PXYLP1: variants seen among roughly 807,000 people sequenced by gnomAD.
PXYLP1 encodes acid phosphatase-like 2.
PXYLP1 carries 17 observed loss-of-function variants against 37.9 expected under a neutral mutation model. That is an observed-to-expected ratio of 0.45 (90% CI 0.31 to 0.67). The LOEUF (loss-of-function observed/expected upper bound fraction) is 0.67, where lower values mean the gene tolerates loss of function less well. PXYLP1 is among the 30% of genes least tolerant of loss of function. The pLI is 0.07. For missense variants in PXYLP1, 511 were observed against 612.0 expected, an observed-to-expected ratio of 0.84 and a Z score of 1.74; for synonymous variants, 221 against 232.2, an observed-to-expected ratio of 0.95 and a Z score of 0.44.
intron 4 of PXYLP1, among the ~76,000 whole-genome samples, chr3:141,284,407 G>A (rs16851304): frequency 0.13 from 19,763 of 152,228 alleles, 1,641 homozygotes; most frequent in African/African-American, 0.24. Context: ...TTCTGTTGGC[G>A]AATGCGGCTT....
At chr3:141,280,867 T>G (rs1941936950) in intron 4 of PXYLP1, among the ~76,000 whole-genome samples, 1 of 152,232 alleles carries the variant, frequency 6.6e-6, no homozygotes, top group South Asian at 2.1e-4. Flanking sequence ...TGCAGTGAGC[T>G]GAACCAAGCA....
At chr3:141,248,949 CAG>C (rs1429855566) in intron 1 of PXYLP1, among the ~76,000 whole-genome samples, 4 of 150,626 alleles carry the variant, frequency 2.7e-5, no homozygotes, top group Non-Finnish European at 5.9e-5. Context: ...GGATCTGAGT[CAG>C]AGAATCCTTG....
chr3:141,279,239 C>T, intron 3 of PXYLP1, 139 bp from the exon 4 acceptor site: 2 of 1,007,322 alleles, frequency 2.0e-6, no homozygotes, highest in Non-Finnish European at 2.9e-6. Flanking sequence ...ACTGTGGTGG[C>T]TCTGCAAACC....
Position 141,244,844 on chromosome 3 carries a change from T to A in PXYLP1, c.-54+12933T>A, listed in dbSNP as rs551067947. Among the ~76,000 whole-genome samples, 6 of 152,046 alleles carry A rather than the reference T, an allele frequency of 3.9e-5. No homozygotes were observed. In the East Asian group the frequency reaches 7.8e-4, roughly 20 times the overall value. On this transcript the variant is annotated intron_variant, in intron 1 of 5. Transcript: ENST00000286353. Reference sequence around the variant, plus strand: ...ACTTTTGTAGGATAGAAACCTGAAATACAAATTCTTGGGGCAAAAGATGTG... The same window carrying A: ...ACTTTTGTAGGATAGAAACCTGAAAAACAAATTCTTGGGGCAAAAGATGTG...
chr3:141,278,521 A>C, intron 3 of PXYLP1, 21 bp downstream of exon 3: 1 of 1,613,676 alleles, frequency 6.2e-7, no homozygotes, highest in South Asian at 1.1e-5. Flanking sequence ...CTGTGCCACC[A>C]GGACAGATAC....
chr3:141,282,772 G>A (rs1366489293), intron 4 of PXYLP1, among the ~76,000 whole-genome samples: 1 of 152,216 alleles, frequency 6.6e-6, no homozygotes, highest in African/African-American at 2.4e-5. Flanking sequence ...GGACTTGGTG[G>A]CAGGTTGGAC....
intron 1 of PXYLP1, among the ~76,000 whole-genome samples, chr3:141,248,664 TACAC>T (rs745656230): frequency 1.8e-5 from 1 of 55,628 alleles, no homozygotes; most frequent in Non-Finnish European, 2.9e-5. Flanking sequence ...CACGTATATA[TACAC>T]ACACGTGTAT....
chr3:141,273,399 C>T (rs1305348228), intron 2 of PXYLP1: 19 of 985,320 alleles, frequency 1.9e-5, no homozygotes, highest in Non-Finnish European at 1.9e-5. Flanking sequence ...AGATCCAAAG[C>T]TGGGAAAAGC....
Position 141,293,802 on chromosome 3 carries a change from A to T in PXYLP1, c.*597A>T, listed in dbSNP as rs1402285115. 1 of 152,510 alleles carries T rather than the reference A, an allele frequency of 6.6e-6. No individual in the cohort carries two copies. Among genetic ancestry groups the T allele is most frequent in the African/African-American group, 2.4e-5 (1 of 41,458 alleles). 9.4% of individuals were successfully genotyped at this position (152,510 alleles called of 1,614,324 possible). A position where few individuals can be genotyped will look rare whatever the true frequency, so the allele number is the denominator to read the frequency against. ...ATGTGTAGCTGGGTTCCCAGGCCGGACAAAACAGATGGTGACCAGATTTGG... is the reference window on the plus strand; with the variant it reads ...ATGTGTAGCTGGGTTCCCAGGCCGGTCAAAACAGATGGTGACCAGATTTGG... On this transcript the variant is annotated 3_prime_UTR_variant, in exon 6 of 6. Coordinates refer to ENST00000286353, the MANE Select transcript of PXYLP1 (RefSeq NM_001037172.3).
At chr3:141,278,564 C>A (rs2148814079) in intron 3 of PXYLP1, 64 bp downstream of exon 3, 2 of 1,588,816 alleles carry the variant, frequency 1.3e-6, no homozygotes, top group Non-Finnish European at 1.7e-6. Context: ...AGCAGCATTG[C>A]ACAGCAGTAA....
At chr3:141,266,817 C>T (rs1941527962) in intron 2 of PXYLP1, among the ~76,000 whole-genome samples, 1 of 152,094 alleles carries the variant, frequency 6.6e-6, no homozygotes, top group Admixed American at 6.5e-5. Flanking sequence ...TCCCCTATAT[C>T]CCCTCCCTTT....
At position 141,287,388 on chromosome 3, in the gene PXYLP1, C is replaced by G. The variant is rs1942101701; in HGVS notation, c.440C>G (p.Pro147Arg). ...SKGSGASFES[P>R]LNSLPLYPNH... is the part of the protein sequence containing the mutation. The stretch of plus-strand genomic sequence containing the variant: ...GGATCCGGAGCCTCTTTCGAAAGCC[C>G]CTTGAACTCCTTGCCTCTTTACCCA... Residue 147 changes from proline to arginine, a missense_variant, in exon 5 of 6, where the codon CCC becomes CGC. Physicochemically the swap from Pro to Arg is moderately radical, Grantham distance 103. Coordinates refer to ENST00000286353, the MANE Select transcript of PXYLP1 (RefSeq NM_001037172.3). 1 of 1,613,996 alleles carries G rather than the reference C, an allele frequency of 6.2e-7. No homozygotes were observed. The highest frequency in any genetic ancestry group is 1.3e-5 in the African/African-American group (1 of 74,910).
At chr3:141,271,429 G>A (rs1338386157) in intron 2 of PXYLP1, among the ~76,000 whole-genome samples, 2 of 152,168 alleles carry the variant, frequency 1.3e-5, no homozygotes, top group African/African-American at 2.4e-5. Context: ...TCCCAAAAAG[G>A]GCAAGGCAGA....
At chr3:141,274,662 G>A (rs1291270867) in intron 2 of PXYLP1, 3 of 718,608 alleles carry the variant, frequency 4.2e-6, no homozygotes, top group Admixed American at 2.0e-5. Flanking sequence ...GTCAGCGGGG[G>A]ATATAAATGT....
rs59309377 is a variant in PXYLP1 at position 141,248,899 on chromosome 3, AGTGTGT to A, written c.-53-11207_-53-11202del. Among the ~76,000 whole-genome samples, 18 of 99,796 alleles carry A rather than the reference AGTGTGT, an allele frequency of 1.8e-4. 1 individual carries two copies. The highest frequency in any genetic ancestry group is 8.7e-4 in the African/African-American group (16 of 18,338). The allele number at this position is 99,796 out of a possible 152,430, so 65.5% of individuals were successfully genotyped here. Reference sequence around the variant, plus strand: ...TATATATGGAGAGAGAGACAGAGTGAGTGTGTGTGTGTGTGTGTGTGTTTTGAGAGC... The same window carrying A: ...TATATATGGAGAGAGAGACAGAGTGAGTGTGTGTGTGTGTGTTTTGAGAGC... On this transcript the variant is annotated intron_variant, in intron 1 of 5. Transcript: ENST00000286353.
intron 1 of PXYLP1, among the ~76,000 whole-genome samples, chr3:141,259,299 A>G (rs180785095): frequency 1.3e-5 from 2 of 152,272 alleles, no homozygotes; most frequent in Admixed American, 1.3e-4. Context: ...TAAAGAGACT[A>G]TGGTTTGCAA....
At chr3:141,267,858 T>C (rs559657647) in intron 2 of PXYLP1, among the ~76,000 whole-genome samples, 22 of 149,082 alleles carry the variant, frequency 1.5e-4, no homozygotes, top group Non-Finnish European at 2.4e-4. Context: ...TCCCTCCCTC[T>C]GTCCCTCTCT....
At chr3:141,249,232 C>T (rs926841807) in intron 1 of PXYLP1, among the ~76,000 whole-genome samples, 1 of 152,210 alleles carries the variant, frequency 6.6e-6, no homozygotes, top group African/African-American at 2.4e-5. Context: ...AATCACCTGC[C>T]AGTGAGAACA....
chr3:141,254,712 T>G (rs190744383), intron 1 of PXYLP1, among the ~76,000 whole-genome samples: 2 of 144,630 alleles, frequency 1.4e-5, no homozygotes, highest in Non-Finnish European at 3.0e-5. Flanking sequence ...ACTTGAAGGG[T>G]TTTTTTTTTT....
Sources: gnomAD v4.1 joint callset for allele counts (sites outside exome capture counted in the v4.1 genomes callset) on GRCh38, gnomAD v4.1.1 for gene constraint, MANE v1.5 for transcripts, NCBI Gene and HGNC (gene_info 2026-07-23, HGNC 2026-07-21) for gene names.